Variants in SYNDIG1 observed in about 807,000 individuals in gnomAD.
The protein encoded by SYNDIG1 is synapse differentiation inducing 1, also known as synapse differentiation-inducing gene protein 1.
A neutral mutation model predicts 19.4 loss-of-function variants in SYNDIG1; 9 were observed. The ratio of observed to expected loss-of-function variants is 0.46; its 90% CI spans 0.28 to 0.81. The LOEUF is 0.81. Ranked by LOEUF, SYNDIG1 falls within the 30% of genes least tolerant of loss-of-function variation. SYNDIG1 has a pLI of 0.12. For synonymous variants in SYNDIG1, 141 were observed against 145.9 expected (o/e 0.97, Z 0.24); for missense variants, 311 against 343.3 (o/e 0.91, Z 0.74).
chr20:24,625,110 A>G (rs1324854037), intron 3 of SYNDIG1, among the ~76,000 whole-genome samples: 2 of 152,228 alleles, frequency 1.3e-5, no homozygotes, highest in East Asian at 1.9e-4. Context: ...TTCAATATGT[A>G]TAATCTAAAC....
chr20:24,566,259 C>G (rs2058039958), intron 2 of SYNDIG1, among the ~76,000 whole-genome samples: 2 of 152,196 alleles, frequency 1.3e-5, no homozygotes, highest in South Asian at 4.1e-4. Context: ...GAGAAGTCAA[C>G]TCCTAGACAG....
chr20:24,537,050 C>G (rs73103313), intron 1 of SYNDIG1, among the ~76,000 whole-genome samples: 1 of 152,134 alleles, frequency 6.6e-6, no homozygotes, highest in Non-Finnish European at 1.5e-5. Context: ...TGAACTGCCT[C>G]TATGATGATC....
At chr20:24,660,875 C>A (rs908848379) in intron 3 of SYNDIG1, among the ~76,000 whole-genome samples, 1 of 152,214 alleles carries the variant, frequency 6.6e-6, no homozygotes, top group Non-Finnish European at 1.5e-5. Flanking sequence ...CAGAGCAGCA[C>A]CCTCCTGGCC....
At chr20:24,567,918 G>A (rs1241844271) in intron 2 of SYNDIG1, among the ~76,000 whole-genome samples, 2 of 152,240 alleles carry the variant, frequency 1.3e-5, no homozygotes, top group African/African-American at 4.8e-5. Context: ...AGGATCATCT[G>A]AGGTTAGGGG....
intron 2 of SYNDIG1, among the ~76,000 whole-genome samples, chr20:24,570,617 C>T (rs2058125824): frequency 1.3e-5 from 2 of 152,266 alleles, no homozygotes; most frequent in South Asian, 2.1e-4. Flanking sequence ...CACTGCACAC[C>T]TCAGAATAGC....
At chr20:24,512,509 G>C (rs903621089) in intron 1 of SYNDIG1, among the ~76,000 whole-genome samples, 2 of 151,970 alleles carry the variant, frequency 1.3e-5, no homozygotes, top group African/African-American at 4.8e-5. Flanking sequence ...GCCTGGCTCC[G>C]AGGGTCCCAC....
chr20:24,543,663 G>A (rs539145897), intron 2 of SYNDIG1, 86 bp downstream of exon 2: 67 of 1,527,620 alleles, frequency 4.4e-5, no homozygotes, highest in Non-Finnish European at 5.8e-5. Context: ...CCTGGCAAAA[G>A]TTAGGGAATG....
At chr20:24,640,250 G>T in intron 3 of SYNDIG1, among the ~76,000 whole-genome samples, 1 of 151,886 alleles carries the variant, frequency 6.6e-6, no homozygotes, top group East Asian at 1.9e-4. Context: ...AGGAGAATCT[G>T]GGAGGCAGAG....
intron 3 of SYNDIG1, among the ~76,000 whole-genome samples, chr20:24,585,299 T>C (rs1568663027): frequency 2.6e-5 from 4 of 152,220 alleles, no homozygotes. Context: ...TTTGGGAGGC[T>C]GTCTTTCATT....
intron 3 of SYNDIG1, among the ~76,000 whole-genome samples, chr20:24,627,150 GGAGAGCGAGAGCGAGAGCGAGAGC>G (rs59038259): frequency 8.1e-5 from 11 of 136,506 alleles, no homozygotes; most frequent in African/African-American, 3.2e-4. Flanking sequence ...AGAGGGAGAG[GGAGAGCGAGAGCGAGAGCGAGAGC>G]GAGAGCGAGA....
intron 3 of SYNDIG1, among the ~76,000 whole-genome samples, chr20:24,620,955 T>C (rs2059028827): frequency 6.6e-6 from 1 of 152,244 alleles, no homozygotes; most frequent in African/African-American, 2.4e-5. Flanking sequence ...GATGCTATTA[T>C]AACCTCTCAG....
chr20:24,545,385 G>T (rs2146744134), intron 2 of SYNDIG1, among the ~76,000 whole-genome samples: 1 of 152,278 alleles, frequency 6.6e-6, no homozygotes, highest in South Asian at 2.1e-4. Flanking sequence ...CCTCTGCCCT[G>T]TCTACTAAGT....
At chr20:24,477,329 T>C (rs1158153481) in intron 1 of SYNDIG1, among the ~76,000 whole-genome samples, 1 of 144,300 alleles carries the variant, frequency 6.9e-6, no homozygotes, top group Non-Finnish European at 1.5e-5. Context: ...TCAAACACAC[T>C]GTTTTGTTTT....
At chr20:24,621,597 A>G (rs980963349) in intron 3 of SYNDIG1, among the ~76,000 whole-genome samples, 3 of 151,960 alleles carry the variant, frequency 2.0e-5, no homozygotes, top group South Asian at 2.1e-4. Context: ...TTTTTGGGGG[A>G]AAACTCTACC....
intron 2 of SYNDIG1, among the ~76,000 whole-genome samples, chr20:24,556,132 G>A (rs2057810922): frequency 1.3e-5 from 2 of 152,090 alleles, no homozygotes; most frequent in Non-Finnish European, 2.9e-5. Flanking sequence ...TGCAACCCCT[G>A]CCTTTTTTTG....
intron 2 of SYNDIG1, among the ~76,000 whole-genome samples, chr20:24,571,277 G>A (rs1002510680): frequency 1.3e-5 from 2 of 152,130 alleles, no homozygotes; most frequent in African/African-American, 4.8e-5. Flanking sequence ...AGATACACTG[G>A]TGAAATCCGA....
intron 3 of SYNDIG1, among the ~76,000 whole-genome samples, chr20:24,595,492 A>G (rs890848115): frequency 6.6e-6 from 1 of 152,252 alleles, no homozygotes; most frequent in African/African-American, 2.4e-5. Context: ...TTTTGGTACC[A>G]GGATGATACT....
At chr20:24,509,303 G>A (rs1301934708) in intron 1 of SYNDIG1, among the ~76,000 whole-genome samples, 2 of 152,062 alleles carry the variant, frequency 1.3e-5, no homozygotes, top group Admixed American at 1.3e-4. Context: ...CTGTCTACTG[G>A]CTTATATTTT....
intron 3 of SYNDIG1, among the ~76,000 whole-genome samples, chr20:24,642,009 G>C (rs1244593134): frequency 6.6e-6 from 1 of 152,138 alleles, no homozygotes; most frequent in African/African-American, 2.4e-5. Context: ...GACTATGTAG[G>C]CTCTATGGTT....
Sources: gnomAD v4.1 joint callset for allele counts (sites outside exome capture counted in the v4.1 genomes callset) on GRCh38, gnomAD v4.1.1 for gene constraint, MANE v1.5 for transcripts, NCBI Gene and HGNC (gene_info 2026-07-23, HGNC 2026-07-21) for gene names.